UBE2E2: variants seen among roughly 807,000 people sequenced by gnomAD.
UBE2E2 encodes ubiquitin-conjugating enzyme E2 E2.
UBE2E2 carries 6 observed loss-of-function variants against 24.7 expected under a neutral mutation model. The ratio of observed to expected loss-of-function variants is 0.24; its 90% confidence interval spans 0.13 to 0.48. UBE2E2 has a LOEUF of 0.48. Ranked by LOEUF, UBE2E2 falls within the 20% of genes least tolerant of loss-of-function variation. UBE2E2 has a pLI of 0.99. For missense variants in UBE2E2, 169 were observed against 245.0 expected, an observed-to-expected ratio of 0.69 and a Z score of 2.07; for synonymous variants, 104 against 83.6, an observed-to-expected ratio of 1.24 and a Z score of -1.33.
rs551667617 is a variant in UBE2E2 at position 23,230,369 on chromosome 3, G to A, written c.227+13057G>A. 9.2e-5 allele frequency among the ~76,000 whole-genome samples: 14 copies of A among 152,302 alleles called. No homozygotes were observed. The East Asian group carries it at 1.2e-3, about 13-fold the overall frequency. ...AAAACCAGGACTAGTATTCAGTCCCGATAGTTCAATGTGTTGCTTATTTCA... is the reference window on the plus strand; with the variant it reads ...AAAACCAGGACTAGTATTCAGTCCCAATAGTTCAATGTGTTGCTTATTTCA... On this transcript the variant is annotated intron_variant, in intron 3 of 5. Transcript: ENST00000396703.
intron 3 of UBE2E2, among the ~76,000 whole-genome samples, chr3:23,464,689 G>C (rs1445059916): frequency 6.6e-6 from 1 of 152,106 alleles, no homozygotes; most frequent in African/African-American, 2.4e-5. Flanking sequence ...GGGCACAGTT[G>C]GTGTAGTGAG....
intron 3 of UBE2E2, among the ~76,000 whole-genome samples, chr3:23,343,532 C>T (rs1338337199): frequency 1.2e-4 from 14 of 119,206 alleles, no homozygotes; most frequent in African/African-American, 3.2e-5. Context: ...GCCGAGATGG[C>T]GCCACTACAC....
At chr3:23,405,089 A>C (rs765698579) in intron 3 of UBE2E2, among the ~76,000 whole-genome samples, 3 of 152,228 alleles carry the variant, frequency 2.0e-5, no homozygotes, top group Non-Finnish European at 4.4e-5. Flanking sequence ...TTTTTGAAAA[A>C]TACAGCAACA....
At chr3:23,297,669 A>G (rs1045124069) in intron 3 of UBE2E2, among the ~76,000 whole-genome samples, 1 of 152,132 alleles carries the variant, frequency 6.6e-6, no homozygotes, top group Non-Finnish European at 1.5e-5. Flanking sequence ...TACCAGTACC[A>G]TGCTGTTTTG....
At chr3:23,372,503 C>T (rs1018362842) in intron 3 of UBE2E2, among the ~76,000 whole-genome samples, 1 of 152,138 alleles carries the variant, frequency 6.6e-6, no homozygotes, top group African/African-American at 2.4e-5. Flanking sequence ...TTTAACCTTG[C>T]TATTTGTATT....
chr3:23,249,040 G>A (rs931369663), intron 3 of UBE2E2, among the ~76,000 whole-genome samples: 37 of 152,224 alleles, frequency 2.4e-4, no homozygotes, highest in African/African-American at 8.2e-4. Context: ...AGAGGCTGAC[G>A]TGGGAGGATT....
chr3:23,530,909 T>A (rs991502633), intron 4 of UBE2E2, among the ~76,000 whole-genome samples: 1 of 152,194 alleles, frequency 6.6e-6, no homozygotes, highest in Admixed American at 6.5e-5. Context: ...CTCAGCTTGT[T>A]GCGCTTACTA....
intron 3 of UBE2E2, among the ~76,000 whole-genome samples, chr3:23,434,990 G>A (rs145114546): frequency 3.0e-4 from 45 of 152,302 alleles, no homozygotes; most frequent in Admixed American, 9.8e-4. Flanking sequence ...TATCTGGAAA[G>A]CAGTCTTGGT....
At chr3:23,353,365 A>G (rs879939593) in intron 3 of UBE2E2, among the ~76,000 whole-genome samples, 2 of 152,058 alleles carry the variant, frequency 1.3e-5, no homozygotes, top group Admixed American at 1.3e-4. Context: ...TATTCAACAT[A>G]GTGTTGGAAG....
At chr3:23,354,006 C>T (rs1024212008) in intron 3 of UBE2E2, among the ~76,000 whole-genome samples, 1 of 152,152 alleles carries the variant, frequency 6.6e-6, no homozygotes, top group African/African-American at 2.4e-5. Context: ...GCTACAGTAA[C>T]CAAAGCAGCA....
intron 2 of UBE2E2, among the ~76,000 whole-genome samples, chr3:23,212,901 A>G (rs776014828): frequency 6.6e-6 from 1 of 152,128 alleles, no homozygotes; most frequent in Non-Finnish European, 1.5e-5. Context: ...ACCATTTAGA[A>G]TGAAACTCTA....
At chr3:23,218,366 C>T (rs915131136) in intron 3 of UBE2E2, among the ~76,000 whole-genome samples, 4 of 151,538 alleles carry the variant, frequency 2.6e-5, no homozygotes, top group African/African-American at 4.9e-5. Flanking sequence ...TAGGTAAAAC[C>T]GTTTAACCTA....
Position 23,568,149 on chromosome 3 carries a change from A to T in UBE2E2, c.509-21585A>T, listed in dbSNP as rs961262043. Reference sequence around the variant, plus strand: ...GTCTATAAACTGAAACCACTGGGTTATTTTTATTTCTTGGCTCAAGTTCAG... The same window carrying T: ...GTCTATAAACTGAAACCACTGGGTTTTTTTTATTTCTTGGCTCAAGTTCAG... On this transcript the variant is annotated intron_variant, in intron 5 of 5. Transcript: ENST00000396703. 9.2e-5 allele frequency among the ~76,000 whole-genome samples: 14 copies of T among 152,296 alleles called. No homozygotes were observed. In the South Asian group the frequency reaches 1.2e-3, roughly 14 times the overall value.
intron 3 of UBE2E2, among the ~76,000 whole-genome samples, chr3:23,277,068 G>A (rs968998547): frequency 3.3e-5 from 5 of 152,046 alleles, no homozygotes; most frequent in African/African-American, 9.7e-5. Flanking sequence ...TCATGTATGC[G>A]TTCTTAATAA....
intron 3 of UBE2E2, among the ~76,000 whole-genome samples, chr3:23,374,165 A>G (rs1018014877): frequency 1.6e-4 from 25 of 152,184 alleles, no homozygotes; most frequent in African/African-American, 6.0e-4. Flanking sequence ...AGCTTAATAA[A>G]ATTACATGTT....
chr3:23,537,357 G>A (rs575145973), intron 5 of UBE2E2, among the ~76,000 whole-genome samples: 1 of 152,306 alleles, frequency 6.6e-6, no homozygotes, highest in Admixed American at 6.5e-5. Context: ...ACTCAGGATG[G>A]ATGAGCTGCT....
At chr3:23,307,120 G>A (rs187033916) in intron 3 of UBE2E2, among the ~76,000 whole-genome samples, 1 of 152,222 alleles carries the variant, frequency 6.6e-6, no homozygotes, top group East Asian at 1.9e-4. Flanking sequence ...GAGATGTTTT[G>A]GTTGGAAATG....
At chr3:23,405,874 G>A (rs778460) in intron 3 of UBE2E2, among the ~76,000 whole-genome samples, 85,619 of 152,028 alleles carry the variant, frequency 0.56, 24,406 homozygotes, top group East Asian at 0.67. Context: ...CTGGATCAAA[G>A]TGATAGAAAT....
intron 3 of UBE2E2, among the ~76,000 whole-genome samples, chr3:23,254,494 G>C (rs765092554): frequency 1.2e-4 from 18 of 152,172 alleles, no homozygotes; most frequent in African/African-American, 1.7e-4. Context: ...ATACAGAGAT[G>C]AAAAAGCCTG....
Sources: gnomAD v4.1 joint callset for allele counts (sites outside exome capture counted in the v4.1 genomes callset) on GRCh38, gnomAD v4.1.1 for gene constraint, MANE v1.5 for transcripts, NCBI Gene and HGNC (gene_info 2026-07-23, HGNC 2026-07-21) for gene names.